The following CCDC18 variants were observed in gnomAD, a reference collection of about 807,000 sequenced individuals.
CCDC18 encodes coiled-coil domain containing 18.
In CCDC18, 157 loss-of-function variants were observed where a neutral mutation model predicts 196.0. The observed-to-expected ratio is 0.80, with a 90% confidence interval of 0.70 to 0.91. The LOEUF is 0.91. Ranked by LOEUF, CCDC18 falls within the 40% of genes least tolerant of loss-of-function variation. CCDC18 has a pLI of 0.00. For synonymous variants in CCDC18, 482 were observed against 529.2 expected, an observed-to-expected ratio of 0.91 and a Z score of 1.22; for missense variants, 1,465 against 1,611.6, an observed-to-expected ratio of 0.91 and a Z score of 1.56.
chr1:93,258,945 CA>C (rs1446513673), intron 26 of CCDC18, 60 bp downstream of exon 26: 3 of 1,407,656 alleles, frequency 2.1e-6, no homozygotes, highest in Non-Finnish European at 2.9e-6. Flanking sequence ...CCTATCTGGA[CA>C]AAAGTATGAG....
At chr1:93,247,664 C>A (rs1056438832) in intron 23 of CCDC18, among the ~76,000 whole-genome samples, 5 of 152,132 alleles carry the variant, frequency 3.3e-5, no homozygotes, top group African/African-American at 1.2e-4. Flanking sequence ...GATCTTCCCC[C>A]CTCAGCTTCC....
intron 6 of CCDC18, among the ~76,000 whole-genome samples, chr1:93,194,993 C>T (rs1652468503): frequency 6.6e-6 from 1 of 152,112 alleles, no homozygotes. Flanking sequence ...TTCTCAGCTT[C>T]CTGAGTAGCT....
chr1:93,263,468 A>T (rs1040218685), intron 26 of CCDC18, among the ~76,000 whole-genome samples: 2 of 152,074 alleles, frequency 1.3e-5, no homozygotes, highest in African/African-American at 4.8e-5. Context: ...CAGAGACCCT[A>T]AATCATCTCT....
At chr1:93,181,062 A>G (rs1649541765) in intron 1 of CCDC18, among the ~76,000 whole-genome samples, 2 of 150,518 alleles carry the variant, frequency 1.3e-5, no homozygotes, top group Non-Finnish European at 2.9e-5. Context: ...TACGCCTGTT[A>G]CCTCAGCACT....
Position 93,239,368 on chromosome 1 carries a change from A to G in CCDC18, c.2662A>G (p.Ile888Val). The G allele has an allele frequency of 1.9e-6, 3 of 1,613,468 alleles. No homozygotes were observed. Among genetic ancestry groups the G allele is most frequent in the Non-Finnish European group, 2.5e-6 (3 of 1,179,586 alleles). The change falls in exon 20 of 29, where the codon ATA becomes GTA. Residue 888 changes from isoleucine (I) to valine (V), a missense_variant. Ile to Val is a conservative substitution (Grantham distance 29). Coordinates refer to ENST00000690025, the MANE Select transcript of CCDC18 (RefSeq NM_001378204.1). ...AGAGCTGTCTAAAATGGAAAAGGAA[A>G]TAATGCACCTAAAACGAGATGGAGA... is the stretch of plus-strand genomic sequence containing the variant. ...KEELSKMEKE[I>V]MHLKRDGENK... is the part of the protein sequence containing the mutation.
At chr1:93,199,143 C>T (rs959328384) in intron 6 of CCDC18, among the ~76,000 whole-genome samples, 14 of 152,214 alleles carry the variant, frequency 9.2e-5, no homozygotes, top group African/African-American at 1.4e-4. Context: ...CACCTTTGCC[C>T]GAGTTTTACT....
At chr1:93,253,708 CATG>C (rs1168394737) in intron 23 of CCDC18, among the ~76,000 whole-genome samples, 2 of 152,206 alleles carry the variant, frequency 1.3e-5, no homozygotes, top group African/African-American at 4.8e-5. Context: ...CACTAGTATG[CATG>C]ATTCCTTATG....
chr1:93,199,068 A>G (rs993160810), intron 6 of CCDC18, among the ~76,000 whole-genome samples: 2 of 152,254 alleles, frequency 1.3e-5, no homozygotes, highest in Admixed American at 6.5e-5. Context: ...TAGGAGGGGC[A>G]CAATATGCTG....
In CCDC18 at chr1:93,205,601, G is replaced by C; in HGVS notation, c.887G>C (p.Ser296Thr). ...CAAGAAAGGTGTGGTCTATATAAAA[G>C]TGAACTTGAAATTCTGAAAGAGAAA... ...RLQERCGLYKSELEILKEKLR... is the reference protein window; with the variant it reads ...RLQERCGLYKTELEILKEKLR... Residue 296 changes from serine (S) to threonine (T), a missense_variant, in exon 8 of 29, where the codon AGT becomes ACT. Physicochemically the swap from Ser to Thr is moderately conservative, Grantham distance 58 (BLOSUM62 1). Transcript: ENST00000690025. 6.3e-7 allele frequency: 1 copy of C among 1,595,474 alleles called. No homozygotes were observed. Among genetic ancestry groups the C allele is most frequent in the East Asian group, 2.2e-5 (1 of 44,558 alleles).
At chr1:93,245,997 A>G (rs1570550068) in intron 21 of CCDC18, 108 bp from the exon 22 acceptor site, 2 of 585,894 alleles carry the variant, frequency 3.4e-6, no homozygotes, top group South Asian at 3.4e-5. Context: ...TTGATTGCAT[A>G]TATTATTTTG....
chr1:93,246,318 T>C, intron 22 of CCDC18, 114 bp downstream of exon 22: 1 of 610,706 alleles, frequency 1.6e-6, no homozygotes, highest in Non-Finnish European at 2.9e-6. Flanking sequence ...ATATCTTTTC[T>C]CTGCACATAG....
At chr1:93,231,416 T>G (rs1243141060) in intron 17 of CCDC18, among the ~76,000 whole-genome samples, 1 of 151,668 alleles carries the variant, frequency 6.6e-6, no homozygotes, top group Non-Finnish European at 1.5e-5. Context: ...TTTTTTAACT[T>G]TATAAATTTT....
intron 23 of CCDC18, among the ~76,000 whole-genome samples, chr1:93,248,009 C>CTTTTTTTTTTTTT (rs71586785): frequency 5.7e-5 from 4 of 69,782 alleles, no homozygotes; most frequent in Admixed American, 1.9e-4. Context: ...TATTTTCCTT[C>CTTTTTTTTTTTTT]TTTTTTTTTT....
chr1:93,221,400 A>G (rs1469126172), intron 14 of CCDC18, among the ~76,000 whole-genome samples: 2 of 151,490 alleles, frequency 1.3e-5, no homozygotes, highest in South Asian at 2.1e-4. Flanking sequence ...TTTTTTTTGT[A>G]TGTTTGTTGT....
At chr1:93,193,594 C>A in intron 5 of CCDC18, 22 bp from the exon 6 acceptor site, 1 of 1,523,158 alleles carries the variant, frequency 6.6e-7, no homozygotes, top group Non-Finnish European at 8.9e-7. Flanking sequence ...TAGTCTTAAA[C>A]AAAGTATCCT....
At chr1:93,246,289 A>G in intron 22 of CCDC18, 85 bp downstream of exon 22, 2 of 812,536 alleles carry the variant, frequency 2.5e-6, no homozygotes, top group Non-Finnish European at 3.9e-6. Flanking sequence ...ATTTTTTGTA[A>G]AATGGGCATT....
chr1:93,222,460 T>TA, intron 16 of CCDC18, among the ~76,000 whole-genome samples: 1 of 152,126 alleles, frequency 6.6e-6, no homozygotes, highest in East Asian at 1.9e-4. Context: ...AAGAGAAAAC[T>TA]AAAAGTGATT....
At chr1:93,260,226 A>G (rs1190253862) in intron 26 of CCDC18, among the ~76,000 whole-genome samples, 2 of 152,158 alleles carry the variant, frequency 1.3e-5, no homozygotes, top group East Asian at 1.9e-4. Flanking sequence ...TCTACTAAAA[A>G]TACAAAAATT....
At chr1:93,227,174 C>CTTTTTTTTTTTTTT (rs36053002) in intron 17 of CCDC18, among the ~76,000 whole-genome samples, 2 of 103,706 alleles carry the variant, frequency 1.9e-5, no homozygotes, top group Non-Finnish European at 3.8e-5. Context: ...CATTGGAAAC[C>CTTTTTTTTTTTTTT]TTTTTTTTTT....
Sources: gnomAD v4.1 joint callset for allele counts (sites outside exome capture counted in the v4.1 genomes callset) on GRCh38, gnomAD v4.1.1 for gene constraint, MANE v1.5 for transcripts, NCBI Gene and HGNC (gene_info 2026-07-23, HGNC 2026-07-21) for gene names.